Variants in SNED1 observed in about 807,000 individuals in gnomAD.
SNED1 encodes the protein sushi, nidogen and EGF-like domain-containing protein 1.
SNED1 carries 81 observed loss-of-function variants against 166.7 expected under a neutral mutation model. The ratio of observed to expected loss-of-function variants is 0.49; its 90% confidence interval spans 0.41 to 0.58. The LOEUF is 0.58. Among genes scored for constraint, SNED1 ranks in the 20% least tolerant of loss-of-function variants. The probability of loss-of-function intolerance (pLI) is 0.00; values close to 1 mark genes in which losing one functional copy is unlikely to be tolerated. For missense variants in SNED1, 1,604 were observed against 2,000.2 expected, an observed-to-expected ratio of 0.80 and a Z score of 3.78; for synonymous variants, 762 against 822.0, an observed-to-expected ratio of 0.93 and a Z score of 1.25.
In SNED1 at chr2:241,075,697, T is replaced by C. The variant is rs1459568464; in HGVS notation, c.3916+2333T>C. The C allele has an allele frequency of 6.6e-6, 1 of 152,118 alleles. No homozygotes were observed. The highest frequency in any genetic ancestry group is 1.5e-5 in the Non-Finnish European group (1 of 68,018). The allele number at this position is 152,118 out of a possible 1,614,324, so 9.4% of individuals were successfully genotyped here. A position where few individuals can be genotyped will look rare whatever the true frequency, so the allele number is the denominator to read the frequency against. ...GGTGGTACTTCCTAATAGAGAAAAG[T>C]TCATAATCAAATTTATCAAGCATTA... is the stretch of plus-strand genomic sequence containing the variant. On this transcript the variant is annotated intron_variant, in intron 27 of 31. Coordinates refer to ENST00000310397, the MANE Select transcript of SNED1 (RefSeq NM_001080437.3). The surrounding 1 kb of genome is among the most constrained non-coding windows in gnomAD (Gnocchi z 4.8).
At chr2:241,000,110 G>T (rs1227941967) in intron 1 of SNED1, among the ~76,000 whole-genome samples, 1 of 151,984 alleles carries the variant, frequency 6.6e-6, no homozygotes, top group Non-Finnish European at 1.5e-5. Flanking sequence ...CCCACCACCA[G>T]CAGCACTGCC....
intron 1 of SNED1, among the ~76,000 whole-genome samples, chr2:241,019,658 C>T (rs1019669199): frequency 2.0e-5 from 3 of 152,216 alleles, no homozygotes; most frequent in African/African-American, 7.2e-5. Flanking sequence ...TGGCCACTTC[C>T]GGCCCAAGAG....
intron 8 of SNED1, among the ~76,000 whole-genome samples, chr2:241,046,794 T>A (rs1258308281): frequency 6.6e-6 from 1 of 152,190 alleles, no homozygotes; most frequent in Non-Finnish European, 1.5e-5. Context: ...AATTTTACTG[T>A]ATACTGATTT....
chr2:241,063,173 A>C (rs1410600846), intron 17 of SNED1, among the ~76,000 whole-genome samples: 1 of 152,228 alleles, frequency 6.6e-6, no homozygotes, highest in African/African-American at 2.4e-5. Context: ...GGCAGGTCAC[A>C]GTCTCTGACA....
intron 1 of SNED1, among the ~76,000 whole-genome samples, chr2:241,001,588 A>G (rs2060079508): frequency 6.6e-6 from 1 of 152,352 alleles, no homozygotes; most frequent in Non-Finnish European, 1.5e-5. Flanking sequence ...GGAGTGTGGC[A>G]TGCTGCCGCT....
At position 241,011,166 on chromosome 2, in the gene SNED1, AGGTCTCCTG is replaced by A. The variant is rs1305013597; in HGVS notation, c.213+12137_213+12145del. Among the ~76,000 whole-genome samples, 593 of 135,516 alleles carry A rather than the reference AGGTCTCCTG, an allele frequency of 4.4e-3. 41 individuals are homozygous for A. Among genetic ancestry groups the A allele is most frequent in the East Asian group, 0.034 (142 of 4,138 alleles). The allele number at this position is 135,516 out of a possible 152,430, so 88.9% of individuals were successfully genotyped here. On this transcript the variant is annotated intron_variant, in intron 1 of 31. Transcript: ENST00000310397. ...TTCTCCTGGGTCTCCTGGGGGTGGC[AGGTCTCCTG>A]GGTCTCCTGGGTCTCCTGGGGGTGG...
chr2:241,087,317 C>T (rs2125330738), intron 29 of SNED1, 75 bp from the exon 30 acceptor site: 1 of 1,402,674 alleles, frequency 7.1e-7, no homozygotes, highest in Non-Finnish European at 9.6e-7. Flanking sequence ...ACTGTGGGTT[C>T]ACATAGCCTA....
At position 241,064,797 on chromosome 2, in the gene SNED1, AC is replaced by A; in HGVS notation, c.2600-43del. 1 of 1,357,174 alleles carries A rather than the reference AC, an allele frequency of 7.4e-7. No homozygotes were observed. Among genetic ancestry groups the A allele is most frequent in the South Asian group, 1.4e-5 (1 of 72,600 alleles). 84.1% of individuals were successfully genotyped at this position (1,357,174 alleles called of 1,614,324 possible). A position where few individuals can be genotyped will look rare whatever the true frequency, so the allele number is the denominator to read the frequency against. The stretch of plus-strand genomic sequence containing the variant: ...GAGCAAGGGCGGGGCTGGAGCAGGG[AC>A]CCCTGGCCACGCCCCAACATACACT... On this transcript the variant is annotated intron_variant, in intron 19 of 31. Coordinates refer to ENST00000310397, the MANE Select transcript of SNED1 (RefSeq NM_001080437.3). This position sits in a 1 kb window ranked among gnomAD's most constrained non-coding sequence, Gnocchi z 7.0.
At chr2:241,062,207 C>T (rs939191425) in intron 16 of SNED1, among the ~76,000 whole-genome samples, 1 of 152,280 alleles carries the variant, frequency 6.6e-6, no homozygotes, top group South Asian at 2.1e-4. Flanking sequence ...AGATTCTTAT[C>T]GCAAGGGAAG....
rs1012365210 is a variant in SNED1, at chr2:240,999,746, G to A, written c.213+696G>A. On this transcript the variant is annotated intron_variant, in intron 1 of 31. Transcript: ENST00000310397. The surrounding 1 kb of genome is among the most constrained non-coding windows in gnomAD (Gnocchi z 5.8). ...AGCTGAAGGAACAGGCCCGAGTGCC[G>A]GTTCTGTCTCCATGGCTCCCAGAGT... 4.6e-5 allele frequency among the ~76,000 whole-genome samples: 7 copies of A among 152,138 alleles called. No individual in the cohort carries two copies. The highest frequency in any genetic ancestry group is 1.7e-4 in the African/African-American group (7 of 41,428).
At position 241,036,918 on chromosome 2, in the gene SNED1, G is replaced by A; in HGVS notation, c.931+3G>A. On this transcript the variant is annotated splice_donor_region_variant and intron_variant, in intron 5 of 31. Transcript: ENST00000310397. ...CACGGGGCGGAGGTGCCACCTGGGT[G>A]AGTGACTGGCCCAGGGCGGGACCAC... 3.1e-6 allele frequency: 5 copies of A among 1,608,702 alleles called. No individual in the cohort carries two copies. Among genetic ancestry groups the A allele is most frequent in the Non-Finnish European group, 4.2e-6 (5 of 1,178,472 alleles).
intron 8 of SNED1, among the ~76,000 whole-genome samples, chr2:241,043,641 T>A (rs1447388073): frequency 6.6e-6 from 1 of 151,968 alleles, no homozygotes; most frequent in African/African-American, 2.4e-5. Context: ...TAAAGAAAAA[T>A]TTTAAAATAA....
intron 8 of SNED1, chr2:241,041,207 A>G (rs2061512454): frequency 1.1e-5 from 2 of 178,722 alleles, no homozygotes; most frequent in South Asian, 1.1e-4. Context: ...GGGAGGAGGC[A>G]GCCTCACCTA....
intron 5 of SNED1, 70 bp downstream of exon 5, chr2:241,036,985 G>A (rs965950823): frequency 1.2e-5 from 19 of 1,530,942 alleles, no homozygotes; most frequent in Middle Eastern, 1.7e-4. Context: ...TGTAGGCTCC[G>A]CCAGTGGCCC....
At chr2:241,065,711 G>T in intron 21 of SNED1, 116 bp downstream of exon 21, 2 of 898,436 alleles carry the variant, frequency 2.2e-6, no homozygotes, top group Non-Finnish European at 3.4e-6. Flanking sequence ...TCTTGCAGCA[G>T]CAAGACAGAC....
chr2:241,013,924 C>T lies in SNED1; in HGVS notation c.213+14874C>T, dbSNP rs1020087385. ...GGTTTCATTTCATTGGGTATATACTCAGAAGTGGGATTGCTAGGCCATATG... is the reference window on the plus strand; with the variant it reads ...GGTTTCATTTCATTGGGTATATACTTAGAAGTGGGATTGCTAGGCCATATG... On this transcript the variant is annotated intron_variant, in intron 1 of 31. Transcript: ENST00000310397. The surrounding 1 kb of genome is among the most constrained non-coding windows in gnomAD (Gnocchi z 4.6). Among the ~76,000 whole-genome samples the T allele has an allele frequency of 1.3e-5, 2 of 152,034 alleles. No homozygotes were observed. Among genetic ancestry groups the T allele is most frequent in the African/African-American group, 4.8e-5 (2 of 41,376 alleles).
Position 241,087,737 on chromosome 2 carries a change from A to G in SNED1, c.4205+262A>G, listed in dbSNP as rs2063658878. On this transcript the variant is annotated intron_variant, in intron 30 of 31. Coordinates refer to ENST00000310397, the MANE Select transcript of SNED1 (RefSeq NM_001080437.3). ...CTGGTTATGCATATTCACACAGAAC[A>G]TGGTGCTACAATTGGGAAGCACAGG... 17 of 1,295,044 alleles carry G rather than the reference A, an allele frequency of 1.3e-5. No individual in the cohort carries two copies. The South Asian group carries it at 3.7e-4, about 28-fold the overall frequency. 80.2% of individuals were successfully genotyped at this position (1,295,044 alleles called of 1,614,324 possible).
intron 1 of SNED1, among the ~76,000 whole-genome samples, chr2:241,027,704 A>G (rs1022727842): frequency 1.3e-4 from 19 of 148,332 alleles, no homozygotes; most frequent in Non-Finnish European, 2.5e-4. Context: ...ATTTCTCCAC[A>G]TCTTCACCAA....
intron 24 of SNED1, among the ~76,000 whole-genome samples, chr2:241,070,895 AAG>A (rs2062678507): frequency 6.6e-6 from 1 of 152,154 alleles, no homozygotes; most frequent in Non-Finnish European, 1.5e-5. Flanking sequence ...CTCCCCAGGG[AAG>A]AGAGGGCTCT....
Sources: gnomAD v4.1 joint callset for allele counts (sites outside exome capture counted in the v4.1 genomes callset) on GRCh38, gnomAD v4.1.1 for gene constraint, Gnocchi (gnomAD v3.1) non-coding constraint, MANE v1.5 for transcripts, NCBI Gene and HGNC (gene_info 2026-07-23, HGNC 2026-07-21) for gene names.